The following GPC6 variants were observed in gnomAD, a reference collection of about 807,000 sequenced individuals.
GPC6 encodes glypican 6.
GPC6 carries 14 observed loss-of-function variants against 55.2 expected under a neutral mutation model. The ratio of observed to expected loss-of-function variants is 0.25; its 90% CI spans 0.17 to 0.40. The LOEUF (loss-of-function observed/expected upper bound fraction) is 0.40, where lower values mean the gene tolerates loss of function less well. Ranked by LOEUF, GPC6 falls within the 10% of genes least tolerant of loss-of-function variation. The pLI, the probability that GPC6 is intolerant of heterozygous loss-of-function variation, is 1.00. For missense variants in GPC6, 641 were observed against 708.5 expected (o/e 0.90, Z 1.08); for synonymous variants, 278 against 259.6 (o/e 1.07, Z -0.68).
At chr13:93,710,530 C>G (rs1883017927) in intron 2 of GPC6, among the ~76,000 whole-genome samples, 1 of 151,742 alleles carries the variant, frequency 6.6e-6, no homozygotes, top group Admixed American at 6.6e-5. Flanking sequence ...CAATGGTGTT[C>G]CAAGAAACAG....
chr13:93,684,800 C>T (rs949484413), intron 2 of GPC6, among the ~76,000 whole-genome samples: 1 of 152,054 alleles, frequency 6.6e-6, no homozygotes, highest in Non-Finnish European at 1.5e-5. Flanking sequence ...GCATTTAAAA[C>T]TCTTAACCAC....
chr13:93,896,911 T>A (rs1876045288), intron 3 of GPC6, among the ~76,000 whole-genome samples: 1 of 151,120 alleles, frequency 6.6e-6, no homozygotes, highest in Non-Finnish European at 1.5e-5. Context: ...CTTGAACTTT[T>A]ATTTATAGCT....
intron 4 of GPC6, among the ~76,000 whole-genome samples, chr13:94,140,237 CCG>C (rs1203688131): frequency 6.6e-6 from 1 of 152,104 alleles, no homozygotes; most frequent in African/African-American, 2.4e-5. Context: ...AGATGTAGTA[CCG>C]CAGGGACTGG....
intron 1 of GPC6, among the ~76,000 whole-genome samples, chr13:93,431,434 T>TA (rs989182413): frequency 6.6e-6 from 1 of 151,984 alleles, no homozygotes; most frequent in African/African-American, 2.4e-5. Flanking sequence ...TTGATAAATA[T>TA]AAAAAAATAC....
chr13:93,389,223 C>G (rs924358288), intron 1 of GPC6, among the ~76,000 whole-genome samples: 6 of 151,984 alleles, frequency 3.9e-5, no homozygotes, highest in Admixed American at 3.9e-4. Flanking sequence ...TGCTGCCAGG[C>G]ACGGTGGCTT....
intron 3 of GPC6, among the ~76,000 whole-genome samples, chr13:94,009,567 C>T (rs1275937707): frequency 6.6e-6 from 1 of 152,130 alleles, no homozygotes; most frequent in Non-Finnish European, 1.5e-5. Flanking sequence ...TGACAGTAGG[C>T]TCAGTCTTAG....
At chr13:93,405,279 A>G (rs1296827313) in intron 1 of GPC6, among the ~76,000 whole-genome samples, 1 of 152,052 alleles carries the variant, frequency 6.6e-6, no homozygotes, top group Non-Finnish European at 1.5e-5. Flanking sequence ...TAATTACCGG[A>G]TCTGAGATAT....
At chr13:94,105,840 A>G (rs371005056) in intron 4 of GPC6, among the ~76,000 whole-genome samples, 17 of 152,196 alleles carry the variant, frequency 1.1e-4, no homozygotes, top group Non-Finnish European at 2.2e-4. Flanking sequence ...GGAAACAGAA[A>G]CACAACCCAG....
chr13:93,903,889 C>T (rs1005185462), intron 3 of GPC6, among the ~76,000 whole-genome samples: 4 of 152,072 alleles, frequency 2.6e-5, no homozygotes, highest in African/African-American at 9.7e-5. Context: ...ACTCATTTGG[C>T]TTGTATGTTG....
At chr13:93,556,327 G>A (rs572506218) in intron 2 of GPC6, among the ~76,000 whole-genome samples, 85 of 149,800 alleles carry the variant, frequency 5.7e-4, no homozygotes, top group African/African-American at 1.9e-3. Context: ...GTTTTGAAGC[G>A]CAGTATCTTA....
chr13:94,051,206 G>C (rs1883937064), intron 4 of GPC6, among the ~76,000 whole-genome samples: 1 of 152,096 alleles, frequency 6.6e-6, no homozygotes, highest in Non-Finnish European at 1.5e-5. Flanking sequence ...AAATAGGATT[G>C]TTGAAACCTC....
At chr13:94,352,504 C>A (rs912193432) in intron 6 of GPC6, among the ~76,000 whole-genome samples, 3 of 152,144 alleles carry the variant, frequency 2.0e-5, no homozygotes, top group Non-Finnish European at 4.4e-5. Context: ...AACATTCATT[C>A]TCGGGGCTTC....
intron 2 of GPC6, among the ~76,000 whole-genome samples, chr13:93,548,867 G>A (rs1310946814): frequency 6.6e-6 from 1 of 152,048 alleles, no homozygotes; most frequent in Non-Finnish European, 1.5e-5. Flanking sequence ...TTAAGTTTTT[G>A]AATATAGAAT....
At chr13:93,498,521 G>A (rs1202642926) in intron 1 of GPC6, among the ~76,000 whole-genome samples, 4 of 152,138 alleles carry the variant, frequency 2.6e-5, no homozygotes, top group Admixed American at 1.3e-4. Flanking sequence ...AATCATGGAG[G>A]TTGGTCTTTC....
intron 1 of GPC6, among the ~76,000 whole-genome samples, chr13:93,402,204 C>T (rs937087015): frequency 6.6e-6 from 1 of 152,112 alleles, no homozygotes; most frequent in South Asian, 2.1e-4. Flanking sequence ...TGTATGGAAC[C>T]TGGGTCTTCT....
At chr13:93,647,623 C>T (rs555627909) in intron 2 of GPC6, among the ~76,000 whole-genome samples, 3 of 152,306 alleles carry the variant, frequency 2.0e-5, no homozygotes, top group Admixed American at 6.5e-5. Flanking sequence ...CCTTTGTGCT[C>T]ATGGGATCCT....
chr13:93,240,562 A>G (rs1876394973), intron 1 of GPC6, among the ~76,000 whole-genome samples: 2 of 152,072 alleles, frequency 1.3e-5, no homozygotes, highest in South Asian at 4.1e-4. Context: ...TGAAGGCAAC[A>G]TATACTTAGA....
At chr13:93,324,593 T>TATATATACACACATACACAC (rs1240383059) in intron 1 of GPC6, among the ~76,000 whole-genome samples, 1 of 128,880 alleles carries the variant, frequency 7.8e-6, no homozygotes, top group African/African-American at 2.7e-5. Flanking sequence ...CATACATATA[T>TATATATACACACATACACAC]ATATATATAT....
intron 2 of GPC6, among the ~76,000 whole-genome samples, chr13:93,653,712 G>T (rs935975466): frequency 6.6e-6 from 1 of 151,944 alleles, no homozygotes; most frequent in Non-Finnish European, 1.5e-5. Context: ...TGTCAATTTT[G>T]AGTAGATTTA....
Sources: gnomAD v4.1 joint callset for allele counts (sites outside exome capture counted in the v4.1 genomes callset) on GRCh38, gnomAD v4.1.1 for gene constraint, MANE v1.5 for transcripts, NCBI Gene and HGNC (gene_info 2026-07-23, HGNC 2026-07-21) for gene names.